Variants in PDE1C observed in about 807,000 individuals in gnomAD.
The protein encoded by PDE1C is phosphodiesterase 1C, also known as dual specificity calcium/calmodulin-dependent 3',5'-cyclic nucleotide phosphodiesterase 1C.
In PDE1C, 62 loss-of-function variants were observed where a neutral mutation model predicts 93.1. The ratio of observed to expected loss-of-function variants is 0.67; its 90% CI spans 0.54 to 0.82. The LOEUF (loss-of-function observed/expected upper bound fraction) is 0.82, where lower values mean the gene tolerates loss of function less well. Ranked by LOEUF, PDE1C falls within the 40% of genes least tolerant of loss-of-function variation. The probability of loss-of-function intolerance (pLI) is 0.00; values close to 1 mark genes in which losing one functional copy is unlikely to be tolerated. For missense variants in PDE1C, 742 were observed against 884.6 expected, an observed-to-expected ratio of 0.84 and a Z score of 2.04; for synonymous variants, 325 against 310.1, an observed-to-expected ratio of 1.05 and a Z score of -0.50.
At chr7:32,238,305 A>G (rs530170152) in intron 1 of PDE1C, among the ~76,000 whole-genome samples, 31 of 152,358 alleles carry the variant, frequency 2.0e-4, no homozygotes, top group African/African-American at 7.0e-4. Flanking sequence ...CATCAAAACC[A>G]TTATGAAGAA....
the PDE1C span, among the ~76,000 whole-genome samples, chr7:31,682,031 T>G: frequency 6.6e-6 from 1 of 152,202 alleles, no homozygotes; most frequent in South Asian, 2.1e-4. Context: ...GGAGTCAGAC[T>G]GTCTGGGATT....
the PDE1C span, among the ~76,000 whole-genome samples, chr7:31,667,555 C>T: frequency 1.5e-4 from 23 of 152,024 alleles, no homozygotes; most frequent in African/African-American, 5.6e-4. Flanking sequence ...TCACAACAGG[C>T]AAAACAAGGG....
intron 1 of PDE1C, among the ~76,000 whole-genome samples, chr7:32,218,663 T>G (rs1445568223): frequency 6.6e-6 from 1 of 152,278 alleles, no homozygotes; most frequent in African/African-American, 2.4e-5. Context: ...TGCTTATTTA[T>G]CTACACTCTA....
At chr7:32,149,220 C>A in intron 3 of PDE1C, among the ~76,000 whole-genome samples, 1 of 152,126 alleles carries the variant, frequency 6.6e-6, no homozygotes, top group East Asian at 1.9e-4. Context: ...ACATGAACAT[C>A]GAAGTTAGTT....
intron 2 of PDE1C, among the ~76,000 whole-genome samples, chr7:32,011,913 G>GA (rs1331367638): frequency 1.3e-5 from 2 of 152,040 alleles, no homozygotes; most frequent in Non-Finnish European, 2.9e-5. Flanking sequence ...GCCCCAAACT[G>GA]AAAACAACCC....
In PDE1C at chr7:32,096,819, A is replaced by AT. The variant is rs1249280154; in HGVS notation, c.308+72965_308+72966insA. Among the ~76,000 whole-genome samples the AT allele has an allele frequency of 9.0e-4, 122 of 135,716 alleles. 1 individual carries two copies. The highest frequency in any genetic ancestry group is 3.0e-3 in the African/African-American group (107 of 35,902). 89.0% of individuals were successfully genotyped at this position (135,716 alleles called of 152,430 possible). On this transcript the variant is annotated intron_variant, in intron 3 of 18. Coordinates refer to the PDE1C transcript ENST00000396193. ...GAGAATCAGAACCAGTAGGGGATAG[A>AT]AAGATAGATAGATAGATAGATAGAT...
the PDE1C span, among the ~76,000 whole-genome samples, chr7:31,629,672 C>T: frequency 6.6e-6 from 1 of 152,110 alleles, no homozygotes; most frequent in Non-Finnish European, 1.5e-5. Context: ...GCTCACTCAC[C>T]TCTCAAAAAG....
At chr7:31,897,364 A>G (rs1799442774) in intron 2 of PDE1C, among the ~76,000 whole-genome samples, 2 of 152,256 alleles carry the variant, frequency 1.3e-5, no homozygotes, top group African/African-American at 4.8e-5. Flanking sequence ...GGCAGAAAAC[A>G]TGTAAGATTA....
intron 2 of PDE1C, among the ~76,000 whole-genome samples, chr7:32,014,845 C>T (rs1257406276): frequency 2.0e-5 from 3 of 150,138 alleles, no homozygotes; most frequent in Non-Finnish European, 3.0e-5. Context: ...ATCTCATACA[C>T]ATTAAGTCAT....
At chr7:32,267,586 A>ACACTCTCTCT (rs1442508353) in intron 1 of PDE1C, among the ~76,000 whole-genome samples, 15 of 117,608 alleles carry the variant, frequency 1.3e-4, no homozygotes, top group African/African-American at 2.4e-4. Flanking sequence ...ACACACACAC[A>ACACTCTCTCT]CTCTCTCTCT....
upstream of PDE1C, among the ~76,000 whole-genome samples, chr7:32,074,662 T>A (rs1253812303): frequency 6.6e-6 from 1 of 152,126 alleles, no homozygotes; most frequent in Non-Finnish European, 1.5e-5. Context: ...GGATCATTCA[T>A]GCTGTGGGGA....
chr7:31,777,742 A>G (rs1327074785), intron 16 of PDE1C, among the ~76,000 whole-genome samples: 1 of 152,132 alleles, frequency 6.6e-6, no homozygotes, highest in African/African-American at 2.4e-5. Context: ...TTCTGGCAGC[A>G]GTAGTAGTAA....
At position 31,815,932 on chromosome 7, in the gene PDE1C, T is replaced by C; in HGVS notation, c.1805A>G (p.Gln602Arg). 1 of 1,608,666 alleles carries C rather than the reference T, an allele frequency of 6.2e-7. No individual in the cohort carries two copies. Among genetic ancestry groups the C allele is most frequent in the Non-Finnish European group, 8.5e-7 (1 of 1,175,014 alleles). ...SKAEKSSGEQ[Q>R]QNGDFKDGKN... is the part of the protein sequence containing the mutation. ...AGTGTAAGTCTACTCACCATTCTGT[T>C]GCTGTTCTCCTGATGACTTCTCGGC... The change falls in exon 15 of 18, where the codon CAA becomes CGA. Residue 602 changes from glutamine (Q) to arginine (R), a missense_variant. Transcript: ENST00000396191.
chr7:31,980,016 C>A (rs948051642), intron 2 of PDE1C, among the ~76,000 whole-genome samples: 15 of 152,182 alleles, frequency 9.9e-5, no homozygotes, highest in Non-Finnish European at 1.8e-4. Flanking sequence ...AGGAAAAGGG[C>A]TCCTTTAGCA....
intron 1 of PDE1C, among the ~76,000 whole-genome samples, chr7:32,361,550 C>A (rs1784136901): frequency 6.6e-6 from 1 of 152,200 alleles, no homozygotes; most frequent in Non-Finnish European, 1.5e-5. Context: ...GACCCTCGCA[C>A]ATGCCACGCA....
intron 1 of PDE1C, among the ~76,000 whole-genome samples, chr7:32,258,901 T>C (rs1252643295): frequency 2.0e-5 from 3 of 152,172 alleles, no homozygotes; most frequent in African/African-American, 7.2e-5. Context: ...AGTCTTCCCA[T>C]GTGTGACTTG....
chr7:31,929,168 A>G (rs955473276), intron 2 of PDE1C, among the ~76,000 whole-genome samples: 1 of 152,170 alleles, frequency 6.6e-6, no homozygotes, highest in Non-Finnish European at 1.5e-5. Context: ...CTTTAAACCA[A>G]CAAGGATCAA....
chr7:31,747,164 C>G (rs897707275), downstream of PDE1C, among the ~76,000 whole-genome samples: 13 of 152,134 alleles, frequency 8.5e-5, no homozygotes, highest in African/African-American at 1.7e-4. Flanking sequence ...TGCCAGGGAG[C>G]AGGCTCAACA....
intron 2 of PDE1C, among the ~76,000 whole-genome samples, chr7:32,016,337 C>T (rs1012623006): frequency 1.3e-5 from 2 of 152,222 alleles, no homozygotes; most frequent in African/African-American, 4.8e-5. Context: ...ACCTTCCCAG[C>T]TAAGCCCCAG....
Sources: allele counts gnomAD v4.1 joint callset (sites outside exome capture counted in the v4.1 genomes callset), GRCh38; gene constraint gnomAD v4.1.1; transcripts MANE v1.5; gene names NCBI Gene and HGNC (gene_info 2026-07-23, HGNC 2026-07-21).